CNTN5: variants seen among roughly 807,000 people sequenced by gnomAD.
CNTN5 encodes contactin-5.
In CNTN5, 77 loss-of-function variants were observed where a neutral mutation model predicts 129.1. The observed-to-expected ratio is 0.60, with a 90% CI of 0.50 to 0.72. The LOEUF is 0.72. Ranked by LOEUF, CNTN5 falls within the 30% of genes least tolerant of loss-of-function variation. CNTN5 has a pLI of 0.00. For missense variants in CNTN5, 1,478 were observed against 1,328.8 expected (o/e 1.11, Z -1.75); for synonymous variants, 509 against 465.6 (o/e 1.09, Z -1.20).
intron 6 of CNTN5, among the ~76,000 whole-genome samples, chr11:99,890,609 AAGG>A (rs1348950470): frequency 2.6e-5 from 4 of 152,122 alleles, no homozygotes; most frequent in African/African-American, 4.8e-5. Context: ...GAATTACTAA[AAGG>A]AGAGAATAGA....
In CNTN5 at chr11:99,369,884, TA is replaced by T. The variant is rs200865146; in HGVS notation, c.-71+44409del. ...AGAAGCAGATATTTACTAGCTAATT[TA>T]AAAAAAAATTACACCAGTGAGCTAT... On this transcript the variant is annotated intron_variant, in intron 2 of 24. Transcript: ENST00000524871. 4.6e-5 allele frequency among the ~76,000 whole-genome samples: 7 copies of T among 151,468 alleles called. No homozygotes were observed. In the East Asian group the frequency reaches 5.8e-4, roughly 13 times the overall value.
In CNTN5 at chr11:99,681,430, C is replaced by T. The variant is rs867545509; in HGVS notation, c.55+125161C>T. On this transcript the variant is annotated intron_variant, in intron 3 of 24. Transcript: ENST00000524871. ...CGCAGCCACTGCGTTGTTCAGCAAC[C>T]GTGAACCTGATCAGTCAGTAGCTGT... Among the ~76,000 whole-genome samples the T allele has an allele frequency of 3.3e-4, 50 of 152,156 alleles. 2 individuals carry two copies. Among genetic ancestry groups the T allele is most frequent in the African/African-American group, 1.1e-3 (46 of 41,478 alleles).
intron 13 of CNTN5, among the ~76,000 whole-genome samples, chr11:100,177,936 C>T (rs1948021740): frequency 6.6e-6 from 1 of 152,062 alleles, no homozygotes; most frequent in Admixed American, 6.6e-5. Flanking sequence ...CACATCCCCA[C>T]CCTGTACTCA....
intron 9 of CNTN5, among the ~76,000 whole-genome samples, chr11:100,054,158 CAA>C (rs1318862409): frequency 2.0e-5 from 3 of 151,428 alleles, no homozygotes; most frequent in African/African-American, 7.3e-5. Flanking sequence ...GGCAAGGGTC[CAA>C]GAGTGAGAGC....
intron 3 of CNTN5, among the ~76,000 whole-genome samples, chr11:99,729,701 A>G (rs955947591): frequency 6.6e-6 from 1 of 152,180 alleles, no homozygotes; most frequent in Admixed American, 6.5e-5. Flanking sequence ...CATACACACC[A>G]TGGAATACTA....
chr11:99,469,192 A>G (rs1053272858), intron 2 of CNTN5, among the ~76,000 whole-genome samples: 2 of 152,172 alleles, frequency 1.3e-5, no homozygotes, highest in Non-Finnish European at 2.9e-5. Flanking sequence ...AGTATTATCA[A>G]TAAGCAATTC....
At chr11:99,937,711 G>A (rs1419949027) in intron 7 of CNTN5, among the ~76,000 whole-genome samples, 1 of 152,200 alleles carries the variant, frequency 6.6e-6, no homozygotes, top group Non-Finnish European at 1.5e-5. Flanking sequence ...CTCTCAGCCT[G>A]TAAGCAGCTG....
At chr11:100,295,944 A>T (rs1040364326) in intron 18 of CNTN5, among the ~76,000 whole-genome samples, 1 of 151,408 alleles carries the variant, frequency 6.6e-6, no homozygotes, top group Non-Finnish European at 1.5e-5. Context: ...TATACATTTA[A>T]AAAAACAAAA....
chr11:99,524,002 A>C (rs1367071010), intron 2 of CNTN5, among the ~76,000 whole-genome samples: 1 of 152,208 alleles, frequency 6.6e-6, no homozygotes, highest in Non-Finnish European at 1.5e-5. Flanking sequence ...AAGATGAAGG[A>C]CTTTCTTTTT....
chr11:99,792,808 T>C (rs752088429), intron 3 of CNTN5, among the ~76,000 whole-genome samples: 37 of 152,084 alleles, frequency 2.4e-4, no homozygotes, highest in Non-Finnish European at 5.1e-4. Context: ...GCAGAACTCT[T>C]TATTGTTCTG....
At chr11:99,117,938 C>G (rs1295169768) in intron 1 of CNTN5, among the ~76,000 whole-genome samples, 1 of 152,172 alleles carries the variant, frequency 6.6e-6, no homozygotes, top group East Asian at 1.9e-4. Context: ...TTTGTTATAG[C>G]AGCCCGAGCG....
intron 1 of CNTN5, among the ~76,000 whole-genome samples, chr11:99,122,642 G>A (rs564439048): frequency 2.0e-5 from 3 of 152,084 alleles, no homozygotes; most frequent in East Asian, 1.9e-4. Flanking sequence ...ATTTAGTCAC[G>A]TAGGTAATAA....
intron 3 of CNTN5, among the ~76,000 whole-genome samples, chr11:99,712,587 T>C (rs1197202358): frequency 6.6e-6 from 1 of 152,176 alleles, no homozygotes. Context: ...GCCTAGGTTT[T>C]CTTCTAGGGT....
chr11:99,084,652 T>C (rs1370119170), intron 1 of CNTN5, among the ~76,000 whole-genome samples: 2 of 152,202 alleles, frequency 1.3e-5, no homozygotes, highest in Admixed American at 6.5e-5. Flanking sequence ...TTTACCTTTT[T>C]CTTCAACTGT....
chr11:100,297,039 T>C lies in CNTN5; in HGVS notation c.2315-586T>C, dbSNP rs188525301. 1.3e-3 allele frequency among the ~76,000 whole-genome samples: 202 copies of C among 151,728 alleles called. 3 individuals carry two copies. The highest frequency in any genetic ancestry group is 1.0e-3 in the Non-Finnish European group (68 of 67,668). ...TTGACACATTTATTCTTTTAATAGT[T>C]ATTCATTTGAAAAAGTTTCACTGGT... is the stretch of plus-strand genomic sequence containing the variant. On this transcript the variant is annotated intron_variant, in intron 18 of 24. Transcript: ENST00000524871.
At chr11:99,757,053 C>A (rs543368482) in intron 3 of CNTN5, among the ~76,000 whole-genome samples, 72 of 151,912 alleles carry the variant, frequency 4.7e-4, no homozygotes, top group Non-Finnish European at 9.7e-4. Flanking sequence ...AACAAATTAG[C>A]ACAAACCAGA....
chr11:100,161,529 G>T (rs962662722), intron 13 of CNTN5, among the ~76,000 whole-genome samples: 2 of 151,846 alleles, frequency 1.3e-5, no homozygotes, highest in Middle Eastern at 3.4e-3. Context: ...ACTAGTAAAT[G>T]CATATTGTAA....
chr11:100,075,058 A>G (rs997327528), intron 13 of CNTN5, among the ~76,000 whole-genome samples: 1 of 152,152 alleles, frequency 6.6e-6, no homozygotes, highest in South Asian at 2.1e-4. Flanking sequence ...TGTTTAATTG[A>G]TCTAGAAGTA....
chr11:100,136,264 T>C (rs1946521918), intron 13 of CNTN5, among the ~76,000 whole-genome samples: 1 of 152,144 alleles, frequency 6.6e-6, no homozygotes, highest in Non-Finnish European at 1.5e-5. Flanking sequence ...ATTTCAATCT[T>C]CTGTTCAATA....
Sources: gnomAD v4.1 joint callset for allele counts (sites outside exome capture counted in the v4.1 genomes callset) on GRCh38, gnomAD v4.1.1 for gene constraint, MANE v1.5 for transcripts, NCBI Gene and HGNC (gene_info 2026-07-23, HGNC 2026-07-21) for gene names.